The following DCAF8L2 variants were observed in gnomAD, a reference collection of about 807,000 sequenced individuals.
The protein encoded by DCAF8L2 is DDB1 and CUL4 associated factor 8 like 2, also known as DDB1- and CUL4-associated factor 8-like protein 2.
For synonymous variants in DCAF8L2, 200 were observed against 190.9 expected, an observed-to-expected ratio of 1.05 and a Z score of -0.39; for missense variants, 430 against 490.7, an observed-to-expected ratio of 0.88 and a Z score of 1.17.
intron 4 of DCAF8L2, among the ~76,000 whole-genome samples, chrX:27,729,713 C>T (rs1921077811): frequency 9.0e-6 from 1 of 111,645 alleles, no homozygotes; most frequent in African/African-American, 3.3e-5. Context: ...GCACTAGTCC[C>T]ATTCATGAGG....
At chrX:27,499,941 C>A in the DCAF8L2 span, among the ~76,000 whole-genome samples, 5 of 111,353 alleles carry the variant, frequency 4.5e-5, no homozygotes, top group Non-Finnish European at 9.4e-5. Flanking sequence ...TTGATTGTTT[C>A]CTTTGGTGTG....
chrX:27,487,126 T>C, the DCAF8L2 span, among the ~76,000 whole-genome samples: 1 of 112,110 alleles, frequency 8.9e-6, no homozygotes, highest in African/African-American at 3.2e-5. Flanking sequence ...TAGATAATCA[T>C]TAGTTTCCTC....
chrX:27,482,697 G>T, the DCAF8L2 span, among the ~76,000 whole-genome samples: 1 of 111,517 alleles, frequency 9.0e-6, no homozygotes, highest in Admixed American at 9.6e-5. Flanking sequence ...TGGTTTTTTG[G>T]AACGTTAGAA....
intron 3 of DCAF8L2, among the ~76,000 whole-genome samples, chrX:27,678,183 A>T (rs1437091543): frequency 8.9e-6 from 1 of 111,861 alleles, no homozygotes; most frequent in Non-Finnish European, 1.9e-5. Context: ...TGGAGGAAAG[A>T]CAAAACGTTT....
chrX:27,661,312 A>T (rs1007136650), intron 2 of DCAF8L2, among the ~76,000 whole-genome samples: 1 of 111,703 alleles, frequency 9.0e-6, no homozygotes, highest in Non-Finnish European at 1.9e-5. Flanking sequence ...TCCCTTCTCT[A>T]TGCTGCCATC....
intron 2 of DCAF8L2, among the ~76,000 whole-genome samples, chrX:27,673,272 C>G (rs1322081806): frequency 9.1e-6 from 1 of 109,951 alleles, no homozygotes; most frequent in African/African-American, 3.3e-5. Flanking sequence ...CTTTGGGAAG[C>G]TGAGGCAGGC....
At chrX:27,659,874 C>T (rs1929492345) in intron 2 of DCAF8L2, among the ~76,000 whole-genome samples, 1 of 111,419 alleles carries the variant, frequency 9.0e-6, no homozygotes. Flanking sequence ...TCTTGTATCT[C>T]ACTGAGTTTT....
chrX:27,518,642 G>A, the DCAF8L2 span: 1 of 216,611 alleles, frequency 4.6e-6, no homozygotes, highest in East Asian at 1.2e-4. Flanking sequence ...AGGAGGCTTA[G>A]GCAGGAGAAT....
chrX:27,688,048 A>G (rs67599730), intron 3 of DCAF8L2, among the ~76,000 whole-genome samples: 10,494 of 111,500 alleles, frequency 0.094, 1,196 homozygotes, highest in African/African-American at 0.32. Flanking sequence ...AAATAGAATA[A>G]AAAGAGTGAA....
Position 27,741,390 on chromosome X carries a change from C to T in DCAF8L2, c.-58-5448C>T, listed in dbSNP as rs1487064030. Among the ~76,000 whole-genome samples the T allele has an allele frequency of 4.0e-4, 44 of 110,324 alleles. 1 individual carries two copies. Among genetic ancestry groups the T allele is most frequent in the Admixed American group, 9.7e-5 (1 of 10,321 alleles). On this transcript the variant is annotated intron_variant, in intron 4 of 4. Coordinates refer to ENST00000451261, the MANE Select transcript of DCAF8L2 (RefSeq NM_001353450.2). Reference sequence around the variant, plus strand: ...CCTCAGGGTCTCTGCAGCCTGCCTCCTTAGCCTAGCCCGCCCCTGCCCCCA... The same window carrying T: ...CCTCAGGGTCTCTGCAGCCTGCCTCTTTAGCCTAGCCCGCCCCTGCCCCCA...
the DCAF8L2 span, among the ~76,000 whole-genome samples, chrX:27,501,226 C>T: frequency 2.5e-4 from 26 of 102,929 alleles, no homozygotes; most frequent in East Asian, 8.6e-3. Flanking sequence ...CACAGCTCCT[C>T]GTCCTACCTC....
intron 3 of DCAF8L2, 109 bp from the exon 4 acceptor site, chrX:27,715,979 C>T (rs1931687943): frequency 8.9e-6 from 1 of 112,475 alleles, no homozygotes; most frequent in Non-Finnish European, 1.9e-5. Flanking sequence ...GTTATGTTCT[C>T]CCTTCATCAG....
At chrX:27,481,377 CA>C in the DCAF8L2 span, among the ~76,000 whole-genome samples, 1 of 110,164 alleles carries the variant, frequency 9.1e-6, no homozygotes. Context: ...GATTCTGTCT[CA>C]AAAAAATTAA....
chrX:27,533,517 TAAAG>T, the DCAF8L2 span, among the ~76,000 whole-genome samples: 1 of 111,934 alleles, frequency 8.9e-6, no homozygotes, highest in Admixed American at 9.5e-5. Context: ...CACCTTATAA[TAAAG>T]AAGCCAGATG....
intron 4 of DCAF8L2, among the ~76,000 whole-genome samples, chrX:27,728,598 ATT>A (rs1290671098): frequency 9.0e-6 from 1 of 111,267 alleles, no homozygotes; most frequent in African/African-American, 3.3e-5. Context: ...TGCTCCAGCC[ATT>A]CCGGCCCCTG....
intron 3 of DCAF8L2, among the ~76,000 whole-genome samples, chrX:27,686,126 A>T (rs1476771375): frequency 9.0e-6 from 1 of 111,399 alleles, no homozygotes; most frequent in African/African-American, 3.3e-5. Context: ...ACTTTAGTAC[A>T]CTGCGGGTGG....
At chrX:27,551,938 T>A in the DCAF8L2 span, among the ~76,000 whole-genome samples, 1 of 112,373 alleles carries the variant, frequency 8.9e-6, no homozygotes, top group East Asian at 2.8e-4. Flanking sequence ...TATACTAATT[T>A]ATATCCCTAC....
the DCAF8L2 span, among the ~76,000 whole-genome samples, chrX:27,551,416 GT>G: frequency 2.7e-5 from 3 of 110,465 alleles, no homozygotes; most frequent in South Asian, 3.8e-4. Context: ...TGAAGTATGT[GT>G]TTTTTTAGAC....
chrX:27,612,326 T>C (rs1455566144), intron 1 of DCAF8L2, among the ~76,000 whole-genome samples: 1 of 112,032 alleles, frequency 8.9e-6, no homozygotes, highest in Non-Finnish European at 1.9e-5. Context: ...TTTAAGTTCT[T>C]TGTAGATTCT....
Sources: gnomAD v4.1 joint callset for allele counts (sites outside exome capture counted in the v4.1 genomes callset) on GRCh38, gnomAD v4.1.1 for gene constraint, MANE v1.5 for transcripts, NCBI Gene and HGNC (gene_info 2026-07-23, HGNC 2026-07-21) for gene names.